The following WAC variants were observed in gnomAD, a reference collection of about 807,000 sequenced individuals.
The protein encoded by WAC is WW domain containing adaptor with coiled-coil, also known as WW domain-containing adapter protein with coiled-coil.
WAC carries 11 observed loss-of-function variants against 79.6 expected under a neutral mutation model. That is an observed-to-expected ratio of 0.14 (90% confidence interval 0.09 to 0.23). The LOEUF is 0.23. Among genes scored for constraint, WAC ranks in the 10% least tolerant of loss-of-function variants. The probability of loss-of-function intolerance (pLI) is 1.00; values close to 1 mark genes in which losing one functional copy is unlikely to be tolerated. For missense variants in WAC, 728 were observed against 773.5 expected, an observed-to-expected ratio of 0.94 and a Z score of 0.70; for synonymous variants, 304 against 276.9, an observed-to-expected ratio of 1.10 and a Z score of -0.97.
At chr10:28,540,739 C>T (rs1836963975) in intron 3 of WAC, among the ~76,000 whole-genome samples, 1 of 152,020 alleles carries the variant, frequency 6.6e-6, no homozygotes, top group African/African-American at 2.4e-5. Context: ...TTGATTTATG[C>T]TTTGTGATAA....
chr10:28,577,179 C>T (rs1374497166), intron 3 of WAC, among the ~76,000 whole-genome samples: 1 of 152,146 alleles, frequency 6.6e-6, no homozygotes, highest in Non-Finnish European at 1.5e-5. Flanking sequence ...TCTTGATATA[C>T]AGTTGGTAAA....
chr10:28,533,978 C>G lies in WAC; in HGVS notation c.42-20C>G, dbSNP rs199849715. 4 of 1,605,430 alleles carry G rather than the reference C, an allele frequency of 2.5e-6. No individual in the cohort carries two copies. The highest frequency in any genetic ancestry group is 3.4e-6 in the Non-Finnish European group (4 of 1,176,308). ...CCCGCGCCGTGTCTTATGTCGCTGC[C>G]TTCTCTTCCTGTTTTTCAGCTGTCA... On this transcript the variant is annotated intron_variant, in intron 1 of 13. Coordinates refer to ENST00000354911, the MANE Select transcript of WAC (RefSeq NM_016628.5).
intron 7 of WAC, among the ~76,000 whole-genome samples, chr10:28,603,539 T>C (rs1589229187): frequency 6.6e-6 from 1 of 152,352 alleles, no homozygotes; most frequent in East Asian, 1.9e-4. Context: ...TTATGTTCAG[T>C]TTGTTGCAAA....
At chr10:28,611,981 A>C in intron 10 of WAC, 59 bp downstream of exon 10, 1 of 1,579,850 alleles carries the variant, frequency 6.3e-7, no homozygotes. Context: ...AAAGTCAATA[A>C]CATTTTAGAA....
At chr10:28,537,610 T>G (rs1356074799) in intron 3 of WAC, 2 of 152,184 alleles carry the variant, frequency 1.3e-5, no homozygotes, top group African/African-American at 4.8e-5. Context: ...AACATTCTGT[T>G]GCTTATTCAT....
chr10:28,567,067 T>A (rs905484230), intron 3 of WAC, among the ~76,000 whole-genome samples: 1 of 151,992 alleles, frequency 6.6e-6, no homozygotes, highest in African/African-American at 2.4e-5. Flanking sequence ...GGTATTTCTC[T>A]GTTCTGTTTC....
intron 3 of WAC, among the ~76,000 whole-genome samples, chr10:28,566,561 TC>T (rs1838626714): frequency 6.6e-6 from 1 of 152,240 alleles, no homozygotes; most frequent in African/African-American, 2.4e-5. Flanking sequence ...TTCTGTAGTT[TC>T]CTCTCCCCCA....
intron 3 of WAC, among the ~76,000 whole-genome samples, chr10:28,554,717 A>G (rs1411190): frequency 0.03 from 4,531 of 152,280 alleles, 231 homozygotes; most frequent in African/African-American, 0.1. Flanking sequence ...TGCCCTTAAA[A>G]TGAAGCACAG....
intron 3 of WAC, among the ~76,000 whole-genome samples, chr10:28,572,407 T>C (rs1839024088): frequency 6.7e-6 from 1 of 150,296 alleles, no homozygotes; most frequent in Non-Finnish European, 1.5e-5. Flanking sequence ...AATTTGGTGG[T>C]CAAGAAAGGC....
At position 28,621,705 on chromosome 10, in the gene WAC, CA is replaced by C. The variant is rs1564426581; in HGVS notation, c.*2102del. 1 of 152,132 alleles carries C rather than the reference CA, an allele frequency of 6.6e-6. No homozygotes were observed. The highest frequency in any genetic ancestry group is 1.5e-5 in the Non-Finnish European group (1 of 68,038). 9.4% of individuals were successfully genotyped at this position (152,132 alleles called of 1,614,324 possible). On this transcript the variant is annotated 3_prime_UTR_variant, in exon 14 of 14. Coordinates refer to ENST00000354911, the MANE Select transcript of WAC (RefSeq NM_016628.5). The stretch of plus-strand genomic sequence containing the variant: ...GAAGTGAGCAATTTGTTGTAATAGG[CA>C]AATGTTTCCTGATCAGATGGCAATT...
chr10:28,533,445 T>G lies in WAC; in HGVS notation c.-135T>G, dbSNP rs1401009981. 1.0e-5 allele frequency: 3 copies of G among 290,692 alleles called. No individual in the cohort carries two copies. The highest frequency in any genetic ancestry group is 1.6e-5 in the Non-Finnish European group (3 of 193,216). The allele number at this position is 290,692 out of a possible 1,614,324, so 18.0% of individuals were successfully genotyped here. On this transcript the variant is annotated 5_prime_UTR_variant, in exon 1 of 14. An upstream start codon of the reference 5' UTR is lost. Transcript: ENST00000354911. ...GCCGGCGCCAGTAACTGGGAGCTGATGAGAGTCGCCGAGGGCGCGCCGGGC... is the reference window on the plus strand; with the variant it reads ...GCCGGCGCCAGTAACTGGGAGCTGAGGAGAGTCGCCGAGGGCGCGCCGGGC...
intron 3 of WAC, among the ~76,000 whole-genome samples, chr10:28,541,835 C>G (rs1282271212): frequency 6.6e-6 from 1 of 152,060 alleles, no homozygotes; most frequent in Admixed American, 6.6e-5. Flanking sequence ...TGGCTACCAC[C>G]TTTTCTTAGC....
intron 13 of WAC, 38 bp from the exon 14 acceptor site, chr10:28,619,499 T>G: frequency 6.9e-7 from 1 of 1,446,242 alleles, no homozygotes; most frequent in Non-Finnish European, 9.3e-7. Flanking sequence ...AATATTTGTA[T>G]ATGTACACAG....
chr10:28,584,330 G>T (rs1222970675), intron 4 of WAC, among the ~76,000 whole-genome samples: 1 of 152,190 alleles, frequency 6.6e-6, no homozygotes, highest in African/African-American at 2.4e-5. Context: ...AGCTTGCAAC[G>T]ATGTAGAAGT....
intron 7 of WAC, among the ~76,000 whole-genome samples, chr10:28,596,408 A>C (rs1840370115): frequency 2.6e-5 from 4 of 152,172 alleles, no homozygotes; most frequent in Admixed American, 2.6e-4. Flanking sequence ...TACTTAATAT[A>C]AATAGAGGTA....
chr10:28,541,431 T>TTG (rs1362261114), intron 3 of WAC, among the ~76,000 whole-genome samples: 6 of 140,876 alleles, frequency 4.3e-5, no homozygotes, highest in Admixed American at 7.2e-5. Flanking sequence ...TTTTTTTTTT[T>TTG]TTTTTTTTTT....
chr10:28,603,318 C>T (rs892275597), intron 7 of WAC, among the ~76,000 whole-genome samples: 14 of 152,126 alleles, frequency 9.2e-5, no homozygotes, highest in African/African-American at 2.9e-4. Context: ...TCATGTGGCC[C>T]GTGGCCCATG....
intron 3 of WAC, 129 bp from the exon 4 acceptor site, chr10:28,583,266 GTATA>G: frequency 1.7e-6 from 1 of 600,940 alleles, no homozygotes; most frequent in Non-Finnish European, 2.8e-6. Flanking sequence ...GTATGACTGT[GTATA>G]TATTCCTAAT....
chr10:28,600,280 A>G (rs1840577393), intron 7 of WAC, among the ~76,000 whole-genome samples: 1 of 152,116 alleles, frequency 6.6e-6, no homozygotes, highest in African/African-American at 2.4e-5. Flanking sequence ...TCGTTTTAAT[A>G]TGAGGTGTGA....
Sources: allele counts gnomAD v4.1 joint callset (sites outside exome capture counted in the v4.1 genomes callset), GRCh38; gene constraint gnomAD v4.1.1; transcripts MANE v1.5; gene names NCBI Gene and HGNC (gene_info 2026-07-23, HGNC 2026-07-21).